The following CTNNA2 variants were observed in gnomAD, a reference collection of about 807,000 sequenced individuals.
CTNNA2 encodes catenin alpha 2.
Under a neutral mutation model 101.0 loss-of-function variants are expected in CTNNA2, and 42 were observed. The ratio of observed to expected loss-of-function variants is 0.42; its 90% CI spans 0.32 to 0.54. CTNNA2 has a LOEUF of 0.54. Among genes scored for constraint, CTNNA2 ranks in the 20% least tolerant of loss-of-function variants. The pLI is 0.14. For missense variants in CTNNA2, 871 were observed against 1,223.1 expected (o/e 0.71, Z 4.29); for synonymous variants, 450 against 456.4 (o/e 0.99, Z 0.18).
chr2:80,072,968 A>G (rs1239226103), intron 7 of CTNNA2, among the ~76,000 whole-genome samples: 1 of 152,262 alleles, frequency 6.6e-6, no homozygotes, highest in Non-Finnish European at 1.5e-5. Flanking sequence ...CATGTGATGT[A>G]TGAGTCTATT....
intron 6 of CTNNA2, among the ~76,000 whole-genome samples, chr2:79,880,524 C>G (rs1683350133): frequency 6.6e-6 from 1 of 152,100 alleles, no homozygotes; most frequent in African/African-American, 2.4e-5. Flanking sequence ...CATAACTTTA[C>G]TTCTTCCTGG....
chr2:80,590,340 T>G (rs1190776209), intron 15 of CTNNA2, among the ~76,000 whole-genome samples: 1 of 152,230 alleles, frequency 6.6e-6, no homozygotes, highest in Non-Finnish European at 1.5e-5. Flanking sequence ...AACACTTGTC[T>G]TATCAACTTC....
chr2:80,340,174 A>G (rs1672104850), intron 7 of CTNNA2, among the ~76,000 whole-genome samples: 1 of 152,216 alleles, frequency 6.6e-6, no homozygotes, highest in Non-Finnish European at 1.5e-5. Context: ...TTCTTCATGG[A>G]CGTGGATAAT....
chr2:80,075,682 A>C, intron 7 of CTNNA2, among the ~76,000 whole-genome samples: 1 of 75,234 alleles, frequency 1.3e-5, no homozygotes, highest in African/African-American at 6.9e-5. Flanking sequence ...AAATATTATA[A>C]AAATAATATT....
intron 4 of CTNNA2, among the ~76,000 whole-genome samples, chr2:79,382,301 A>G (rs1057515184): frequency 6.6e-6 from 1 of 152,032 alleles, no homozygotes; most frequent in Non-Finnish European, 1.5e-5. Flanking sequence ...CTGAGCTTTT[A>G]GCTTGTAGAC....
At chr2:79,216,047 G>T (rs1674252556) in intron 2 of CTNNA2, among the ~76,000 whole-genome samples, 1 of 152,100 alleles carries the variant, frequency 6.6e-6, no homozygotes, top group South Asian at 2.1e-4. Flanking sequence ...ATGTGTAAAA[G>T]AATGCCTGGA....
chr2:79,629,433 A>G (rs1290777663), intron 1 of CTNNA2, among the ~76,000 whole-genome samples: 1 of 152,074 alleles, frequency 6.6e-6, no homozygotes, highest in Non-Finnish European at 1.5e-5. Flanking sequence ...CTTTGAGTGG[A>G]TTAATTATTT....
At chr2:80,446,233 G>A (rs150004942) in intron 9 of CTNNA2, among the ~76,000 whole-genome samples, 305 of 152,248 alleles carry the variant, frequency 2.0e-3, no homozygotes, top group African/African-American at 7.0e-3. Context: ...TTTGTAGAAT[G>A]CATGTTCCCA....
rs76345422 is a variant in CTNNA2 at position 79,431,312 on chromosome 2, T to A, written c.-135+57299T>A. ...GCAACTACTTTATGAGTTAGCCTAA[T>A]GCAGGTAACACTGAGGCAGGAAAAG... On this transcript the variant is annotated intron_variant, in intron 4 of 21. Transcript: ENST00000466387. 0.011 allele frequency among the ~76,000 whole-genome samples: 1,619 copies of A among 152,282 alleles called. 80 individuals are homozygous for A. In the East Asian group the frequency reaches 0.13, roughly 12 times the overall value.
At chr2:79,243,003 C>T (rs866189081) in intron 2 of CTNNA2, among the ~76,000 whole-genome samples, 2 of 134,388 alleles carry the variant, frequency 1.5e-5, no homozygotes, top group African/African-American at 5.4e-5. Flanking sequence ...TACACACACA[C>T]ACACACACAC....
chr2:80,485,826 A>G (rs1282569713), intron 9 of CTNNA2, among the ~76,000 whole-genome samples: 1 of 152,208 alleles, frequency 6.6e-6, no homozygotes, highest in Non-Finnish European at 1.5e-5. Flanking sequence ...GCCAAGGTAC[A>G]TTCAATCACT....
At chr2:79,583,192 A>C (rs1295943920) in intron 1 of CTNNA2, among the ~76,000 whole-genome samples, 1 of 151,338 alleles carries the variant, frequency 6.6e-6, no homozygotes, top group Non-Finnish European at 1.5e-5. Context: ...TTATAAATAA[A>C]TCTGATATAC....
chr2:80,457,960 C>T (rs953043130), intron 9 of CTNNA2, among the ~76,000 whole-genome samples: 11 of 152,132 alleles, frequency 7.2e-5, no homozygotes, highest in Non-Finnish European at 1.3e-4. Context: ...TTTAGTTCAT[C>T]GAACAGACTA....
At chr2:80,527,146 T>C (rs1690115129) in intron 9 of CTNNA2, among the ~76,000 whole-genome samples, 1 of 152,220 alleles carries the variant, frequency 6.6e-6, no homozygotes, top group African/African-American at 2.4e-5. Context: ...AATTAGGACT[T>C]TCTAATTAAA....
intron 8 of CTNNA2, among the ~76,000 whole-genome samples, chr2:80,418,169 A>T (rs915881936): frequency 2.6e-5 from 4 of 152,148 alleles, no homozygotes; most frequent in Non-Finnish European, 4.4e-5. Context: ...TCTCCTTCAG[A>T]CCTTCTTACC....
chr2:79,523,436 T>C (rs975431873), intron 1 of CTNNA2: 2 of 191,820 alleles, frequency 1.0e-5, no homozygotes, highest in Non-Finnish European at 1.1e-5. Context: ...ATATACACCA[T>C]TGTTTTTTTT....
intron 7 of CTNNA2, among the ~76,000 whole-genome samples, chr2:80,325,890 T>A (rs1679195483): frequency 6.6e-6 from 1 of 152,196 alleles, no homozygotes; most frequent in African/African-American, 2.4e-5. Context: ...CCCAGAGTAG[T>A]AAAGTGATTG....
intron 9 of CTNNA2, among the ~76,000 whole-genome samples, chr2:80,480,051 T>G (rs1686030592): frequency 6.6e-6 from 1 of 152,172 alleles, no homozygotes; most frequent in Non-Finnish European, 1.5e-5. Context: ...TACTTTTCCT[T>G]ACATAATTTT....
At chr2:79,822,500 T>C (rs1678090523) in intron 3 of CTNNA2, among the ~76,000 whole-genome samples, 1 of 152,208 alleles carries the variant, frequency 6.6e-6, no homozygotes, top group Non-Finnish European at 1.5e-5. Flanking sequence ...GTAATTTATG[T>C]TAAATATTGT....
Sources: gnomAD v4.1 joint callset for allele counts (sites outside exome capture counted in the v4.1 genomes callset) on GRCh38, gnomAD v4.1.1 for gene constraint, MANE v1.5 for transcripts, NCBI Gene and HGNC (gene_info 2026-07-23, HGNC 2026-07-21) for gene names.